The following HSD17B6 variants were observed in gnomAD, a reference collection of about 807,000 sequenced individuals.
The protein encoded by HSD17B6 is hydroxysteroid 17-beta dehydrogenase 6, also known as 17-beta-hydroxysteroid dehydrogenase type 6.
A neutral mutation model predicts 26.4 loss-of-function variants in HSD17B6; 16 were observed. The ratio of observed to expected loss-of-function variants is 0.61; its 90% CI spans 0.41 to 0.92. HSD17B6 has a LOEUF of 0.92. Ranked by LOEUF, HSD17B6 falls within the 40% of genes least tolerant of loss-of-function variation. The probability of loss-of-function intolerance (pLI) is 0.00; values close to 1 mark genes in which losing one functional copy is unlikely to be tolerated. For missense variants in HSD17B6, 357 were observed against 386.1 expected (o/e 0.92, Z 0.63); for synonymous variants, 139 against 153.0 (o/e 0.91, Z 0.68).
At chr12:56,784,773 CT>C in intron 3 of HSD17B6, 79 bp from the exon 4 acceptor site, 1 of 1,381,696 alleles carries the variant, frequency 7.2e-7, no homozygotes, top group South Asian at 1.3e-5. Context: ...ATTTTATAAT[CT>C]TTTTTGTTTT....
At chr12:56,786,407 G>A (rs1954876575) in intron 4 of HSD17B6, among the ~76,000 whole-genome samples, 1 of 151,994 alleles carries the variant, frequency 6.6e-6, no homozygotes, top group African/African-American at 2.4e-5. Flanking sequence ...GCACCACCAA[G>A]CCTGGCTAAT....
intron 2 of HSD17B6, among the ~76,000 whole-genome samples, chr12:56,775,511 GTCT>G (rs1451465596): frequency 6.6e-6 from 1 of 151,936 alleles, no homozygotes; most frequent in Non-Finnish European, 1.5e-5. Flanking sequence ...TCAATCTTTG[GTCT>G]TCTTTAAAAA....
At chr12:56,782,298 G>T in intron 3 of HSD17B6, 66 bp downstream of exon 3, 1 of 1,453,840 alleles carries the variant, frequency 6.9e-7, no homozygotes, top group South Asian at 1.3e-5. Flanking sequence ...TGTGCTAGTT[G>T]CTTTCGCCTA....
At chr12:56,775,991 T>C (rs1201733041) in intron 2 of HSD17B6, among the ~76,000 whole-genome samples, 2 of 152,204 alleles carry the variant, frequency 1.3e-5, no homozygotes, top group African/African-American at 4.8e-5. Context: ...AATGGCATAA[T>C]CTCGGCTCAC....
At chr12:56,764,497 G>A (rs985895640) in intron 1 of HSD17B6, among the ~76,000 whole-genome samples, 1 of 152,176 alleles carries the variant, frequency 6.6e-6, no homozygotes, top group African/African-American at 2.4e-5. Context: ...GTGGTGTAAT[G>A]CACCAGATAA....
chr12:56,783,041 C>G (rs1284725534), intron 3 of HSD17B6, among the ~76,000 whole-genome samples: 1 of 152,228 alleles, frequency 6.6e-6, no homozygotes, highest in Non-Finnish European at 1.5e-5. Flanking sequence ...ATGTCTACTT[C>G]TTTCTACACA....
rs776589848 is a variant in HSD17B6, at chr12:56,773,744, C to G, written c.-19-90C>G. 223 of 1,211,428 alleles carry G rather than the reference C, an allele frequency of 1.8e-4. 1 individual carries two copies. The highest frequency in any genetic ancestry group is 5.8e-4 in the Admixed American group (21 of 36,102). 75.0% of individuals were successfully genotyped at this position (1,211,428 alleles called of 1,614,324 possible). A position where few individuals can be genotyped will look rare whatever the true frequency, so the allele number is the denominator to read the frequency against. Reference sequence around the variant, plus strand: ...TTAATCAATAAAGAGTCCCTATCACCTAGTGCAATGCCTGGCACATGGCAA... The same window carrying G: ...TTAATCAATAAAGAGTCCCTATCACGTAGTGCAATGCCTGGCACATGGCAA... On this transcript the variant is annotated intron_variant, in intron 1 of 4. Coordinates refer to ENST00000322165, the MANE Select transcript of HSD17B6 (RefSeq NM_003725.4).
At chr12:56,764,120 A>G (rs1240374533) in intron 1 of HSD17B6, among the ~76,000 whole-genome samples, 2 of 151,624 alleles carry the variant, frequency 1.3e-5, no homozygotes, top group African/African-American at 4.8e-5. Context: ...AAAAAAAGAA[A>G]ATCAAAAAGA....
rs1468857963 is a variant in HSD17B6, at chr12:56,773,834, A to G, written c.-19A>G. ...TAAAATGTTTTCTTTCTATTGAAAG[A>G]GAAGGAAGCACCCTCACTATGTGGC... On this transcript the variant is annotated splice_region_variant and 5_prime_UTR_variant, in exon 2 of 5. Transcript: ENST00000322165. 1.3e-6 allele frequency: 2 copies of G among 1,519,958 alleles called. No individual in the cohort carries two copies. The highest frequency in any genetic ancestry group is 1.8e-6 in the Non-Finnish European group (2 of 1,134,374). 94.2% of individuals were successfully genotyped at this position (1,519,958 alleles called of 1,614,324 possible).
chr12:56,778,433 A>G (rs1424778301), intron 2 of HSD17B6, among the ~76,000 whole-genome samples: 1 of 151,888 alleles, frequency 6.6e-6, no homozygotes, highest in Non-Finnish European at 1.5e-5. Context: ...GATTACAGGC[A>G]CACACCACCA....
At chr12:56,781,920 A>G (rs1343295066) in intron 2 of HSD17B6, 54 bp from the exon 3 acceptor site, 1 of 1,577,918 alleles carries the variant, frequency 6.3e-7, no homozygotes, top group Non-Finnish European at 8.6e-7. Context: ...AAAGTTCAAA[A>G]TAGAGTATTT....
intron 2 of HSD17B6, 80 bp downstream of exon 2, chr12:56,774,245 G>A: frequency 7.5e-7 from 1 of 1,335,648 alleles, no homozygotes; most frequent in Non-Finnish European, 1.0e-6. Context: ...GGTGTCTCCT[G>A]GGGATTGGTT....
At chr12:56,764,002 G>A (rs1183918231) in intron 1 of HSD17B6, among the ~76,000 whole-genome samples, 4 of 137,966 alleles carry the variant, frequency 2.9e-5, no homozygotes, top group Non-Finnish European at 6.1e-5. Context: ...CCAGGAGGTC[G>A]AGGCTACAGT....
chr12:56,779,248 C>A (rs1275796356), intron 2 of HSD17B6, among the ~76,000 whole-genome samples: 1 of 152,110 alleles, frequency 6.6e-6, no homozygotes, highest in Non-Finnish European at 1.5e-5. Flanking sequence ...CATCCTCCCA[C>A]CTCAGCCTCC....
intron 3 of HSD17B6, among the ~76,000 whole-genome samples, chr12:56,783,747 A>G (rs1466762495): frequency 1.5e-5 from 2 of 130,334 alleles, no homozygotes; most frequent in Non-Finnish European, 3.2e-5. Context: ...GGGGCTCCTC[A>G]CTTCCCAGTA....
chr12:56,776,815 C>T (rs554845605), intron 2 of HSD17B6, among the ~76,000 whole-genome samples: 8 of 152,290 alleles, frequency 5.3e-5, no homozygotes, highest in Non-Finnish European at 1.0e-4. Flanking sequence ...CTGCGTCAAG[C>T]CTGACAGCTC....
chr12:56,767,627 ATATAT>A (rs1396789853), intron 1 of HSD17B6, among the ~76,000 whole-genome samples: 1 of 22,104 alleles, frequency 4.5e-5, no homozygotes, highest in Non-Finnish European at 1.1e-4. Flanking sequence ...TATATAACAT[ATATAT>A]TATATTAATA....
chr12:56,778,938 G>A (rs1954652711), intron 2 of HSD17B6, among the ~76,000 whole-genome samples: 2 of 151,976 alleles, frequency 1.3e-5, no homozygotes, highest in African/African-American at 4.8e-5. Flanking sequence ...GCCTGCCGAA[G>A]TGCTGGGATT....
intron 2 of HSD17B6, among the ~76,000 whole-genome samples, chr12:56,774,607 C>T (rs991895266): frequency 8.5e-5 from 13 of 152,304 alleles, no homozygotes; most frequent in East Asian, 1.9e-4. Context: ...TTATACAACT[C>T]ACCATGATGT....
Sources: gnomAD v4.1 joint callset for allele counts (sites outside exome capture counted in the v4.1 genomes callset) on GRCh38, gnomAD v4.1.1 for gene constraint, MANE v1.5 for transcripts, NCBI Gene and HGNC (gene_info 2026-07-23, HGNC 2026-07-21) for gene names.